The following GPR174 variants were observed in gnomAD, a reference collection of about 807,000 sequenced individuals.
GPR174 encodes probable G protein-coupled receptor 174.
Under a neutral mutation model 16.5 loss-of-function variants are expected in GPR174, and 8 were observed. That is an observed-to-expected ratio of 0.48 (90% CI 0.28 to 0.87). The LOEUF is 0.87. GPR174 is among the 40% of genes least tolerant of loss of function. The pLI is 0.09. For missense variants in GPR174, 214 were observed against 247.5 expected (o/e 0.86, Z 0.91); for synonymous variants, 111 against 94.8 (o/e 1.17, Z -0.99).
intron 2 of GPR174, among the ~76,000 whole-genome samples, chrX:79,162,480 T>G (rs985131696): frequency 5.3e-5 from 6 of 112,370 alleles, no homozygotes. Flanking sequence ...CAATATCAAA[T>G]AAGTAAAACA....
chrX:79,171,714 C>T lies in GPR174; in HGVS notation c.707C>T (p.Ala236Val). ...GCCTTGAAGATGATTCTAACCTGTG[C>T]AGGGGTATTCCTAATTTGCTTTGCA... is the stretch of plus-strand genomic sequence containing the variant. ...QKALKMILTC[A>V]GVFLICFAPY... Residue 236 changes from alanine (A) to valine (V), a missense_variant, in exon 3 of 3, where the codon GCA becomes GTA. Physicochemically the swap from Ala to Val is moderately conservative, Grantham distance 64 (BLOSUM62 0). Transcript: ENST00000645147. The T allele has an allele frequency of 1.7e-6, 2 of 1,211,103 alleles. No individual in the cohort carries two copies. The highest frequency in any genetic ancestry group is 2.2e-6 in the Non-Finnish European group (2 of 895,099).
In GPR174 at chrX:79,148,173, T is replaced by C. The variant is rs763509418; in HGVS notation, c.-654+2956T>C. Among the ~76,000 whole-genome samples the C allele has an allele frequency of 5.4e-5, 6 of 111,762 alleles. No homozygotes were observed. The East Asian group carries it at 1.7e-3, about 32-fold the overall frequency. On this transcript the variant is annotated intron_variant, in intron 1 of 2. Transcript: ENST00000645147. ...GTGGGTCATGCGGAAGCATGACTTGTGCCCACCGTGGGAGCCAGGGTTGCC... is the reference window on the plus strand; with the variant it reads ...GTGGGTCATGCGGAAGCATGACTTGCGCCCACCGTGGGAGCCAGGGTTGCC...
intron 2 of GPR174, among the ~76,000 whole-genome samples, chrX:79,158,182 T>C (rs952759933): frequency 7.5e-5 from 8 of 106,604 alleles, no homozygotes; most frequent in African/African-American, 2.4e-4. Flanking sequence ...TTTCTTTTTT[T>C]TTTTGTTATA....
chrX:79,158,901 G>C (rs371450890), intron 2 of GPR174, among the ~76,000 whole-genome samples: 9 of 108,463 alleles, frequency 8.3e-5, no homozygotes, highest in African/African-American at 3.0e-4. Flanking sequence ...CAACTAGATT[G>C]TTTGTAACTT....
chrX:79,170,180 C>T (rs1921473798), intron 2 of GPR174, among the ~76,000 whole-genome samples: 1 of 111,278 alleles, frequency 9.0e-6, no homozygotes, highest in Non-Finnish European at 1.9e-5. Context: ...TGCATCAGGT[C>T]CAGGGTGACG....
At chrX:79,162,692 G>A (rs1304989515) in intron 2 of GPR174, among the ~76,000 whole-genome samples, 13 of 111,552 alleles carry the variant, frequency 1.2e-4, no homozygotes, top group Middle Eastern at 4.7e-3. Flanking sequence ...TAATTGTTGC[G>A]AGGAATGCAT....
chrX:79,151,339 T>C (rs1926596906), intron 1 of GPR174, among the ~76,000 whole-genome samples: 1 of 111,515 alleles, frequency 9.0e-6, no homozygotes, highest in African/African-American at 3.3e-5. Context: ...GATATACAAC[T>C]GTTTTTTTCA....
chrX:79,160,476 A>G (rs1921210834), intron 2 of GPR174, among the ~76,000 whole-genome samples: 2 of 112,024 alleles, frequency 1.8e-5, no homozygotes, highest in South Asian at 7.4e-4. Flanking sequence ...GGGGAATCCC[A>G]TGTCCTAAAA....
rs180848787 is a variant in GPR174, at chrX:79,156,605, C to T, written c.-653-217C>T. 2.7e-3 allele frequency among the ~76,000 whole-genome samples: 305 copies of T among 111,629 alleles called. 2 individuals carry two copies. The highest frequency in any genetic ancestry group is 9.5e-3 in the African/African-American group (291 of 30,704). ...CATTCCTACCTTCTCTCACTCTTTC[C>T]GAAAGCTGCCATGTCAAAAAGAGAT... is the stretch of plus-strand genomic sequence containing the variant. On this transcript the variant is annotated intron_variant, in intron 1 of 2. Coordinates refer to ENST00000645147, the MANE Select transcript of GPR174 (RefSeq NM_032553.3).
chrX:79,145,812 T>C (rs751207711), intron 1 of GPR174, among the ~76,000 whole-genome samples: 28 of 111,661 alleles, frequency 2.5e-4, no homozygotes, highest in Non-Finnish European at 4.9e-4. Flanking sequence ...AAAGATTCTG[T>C]TTTCAAACAC....
chrX:79,150,650 A>G (rs1188618241), intron 1 of GPR174, among the ~76,000 whole-genome samples: 1 of 111,762 alleles, frequency 8.9e-6, no homozygotes, highest in African/African-American at 3.2e-5. Flanking sequence ...TTTTCAAAAT[A>G]AAAAATTTAA....
At chrX:79,165,039 T>C (rs768519573) in intron 2 of GPR174, among the ~76,000 whole-genome samples, 3 of 111,488 alleles carry the variant, frequency 2.7e-5, no homozygotes, top group Admixed American at 9.5e-5. Flanking sequence ...ATGTGCGCTT[T>C]TTAGAGTAAT....
chrX:79,172,119 CTCTA>C lies in GPR174; in HGVS notation c.*114_*117del. 1 of 754,473 alleles carries C rather than the reference CTCTA, an allele frequency of 1.3e-6. No individual in the cohort carries two copies. Among genetic ancestry groups the C allele is most frequent in the Non-Finnish European group, 1.9e-6 (1 of 522,778 alleles). The allele number at this position is 754,473 out of a possible 1,213,427, so 62.2% of individuals were successfully genotyped here. ...AAAACAACACAGCTTTTCAGTTCTG[CTCTA>C]TCTTACTGCTATGGGGAATTCACTT... On this transcript the variant is annotated 3_prime_UTR_variant, in exon 3 of 3. Coordinates refer to ENST00000645147, the MANE Select transcript of GPR174 (RefSeq NM_032553.3).
At chrX:79,157,685 G>A (rs1326521133) in intron 2 of GPR174, among the ~76,000 whole-genome samples, 1 of 111,639 alleles carries the variant, frequency 9.0e-6, no homozygotes, top group Non-Finnish European at 1.9e-5. Context: ...TTATTGATTG[G>A]TAAGTATCAG....
chrX:79,173,308 G>C lies in GPR174; in HGVS notation c.*1299G>C, dbSNP rs1353899346. 8.9e-6 allele frequency: 1 copy of C among 111,798 alleles called. No homozygotes were observed. Among genetic ancestry groups the C allele is most frequent in the African/African-American group, 3.3e-5 (1 of 30,723 alleles). 9.2% of individuals were successfully genotyped at this position (111,798 alleles called of 1,213,427 possible). A position where few individuals can be genotyped will look rare whatever the true frequency, so the allele number is the denominator to read the frequency against. On this transcript the variant is annotated 3_prime_UTR_variant, in exon 3 of 3. Transcript: ENST00000645147. ...AGAAGATTAATTTGGTCAGCCTTTG[G>C]CAACCAATGGCCAATGACTTGCCTA...
chrX:79,157,435 T>A (rs917957602), intron 2 of GPR174, among the ~76,000 whole-genome samples: 1 of 111,885 alleles, frequency 8.9e-6, no homozygotes, highest in Non-Finnish European at 1.9e-5. Context: ...AAAAGGGGAT[T>A]TGGGAAACTA....
rs925844857 is a variant in GPR174, at chrX:79,173,333, A to G, written c.*1324A>G. ...GCAACCAATGGCCAATGACTTGCCT[A>G]CTACCTGTTTGGTACTATTGTGTGG... On this transcript the variant is annotated 3_prime_UTR_variant, in exon 3 of 3. Transcript: ENST00000645147. The G allele has an allele frequency of 8.9e-6, 1 of 112,205 alleles. No homozygotes were observed. Among genetic ancestry groups the G allele is most frequent in the Non-Finnish European group, 1.9e-5 (1 of 53,254 alleles). 9.2% of individuals were successfully genotyped at this position (112,205 alleles called of 1,213,427 possible). A position where few individuals can be genotyped will look rare whatever the true frequency, so the allele number is the denominator to read the frequency against.
chrX:79,153,271 G>A (rs568245088), intron 1 of GPR174, among the ~76,000 whole-genome samples: 1 of 111,452 alleles, frequency 9.0e-6, no homozygotes, highest in East Asian at 2.8e-4. Context: ...ATTTTCCAGG[G>A]CAGGGGCTAT....
chrX:79,156,039 T>G (rs1381763771), intron 1 of GPR174, among the ~76,000 whole-genome samples: 1 of 112,393 alleles, frequency 8.9e-6, no homozygotes, highest in African/African-American at 3.2e-5. Context: ...TTCCACTTTC[T>G]AAAGGAAAAT....
Sources: gnomAD v4.1 joint callset for allele counts (sites outside exome capture counted in the v4.1 genomes callset) on GRCh38, gnomAD v4.1.1 for gene constraint, MANE v1.5 for transcripts, NCBI Gene and HGNC (gene_info 2026-07-23, HGNC 2026-07-21) for gene names.